N4BP2: variants seen among roughly 807,000 people sequenced by gnomAD.
N4BP2 encodes NEDD4-binding protein 2.
A neutral mutation model predicts 152.8 loss-of-function variants in N4BP2; 91 were observed. The ratio of observed to expected loss-of-function variants is 0.60; its 90% CI spans 0.50 to 0.71. The LOEUF (loss-of-function observed/expected upper bound fraction) is 0.71. N4BP2 is among the 30% of genes least tolerant of loss of function. The pLI is 0.00. For missense variants in N4BP2, 1,923 were observed against 2,059.1 expected, an observed-to-expected ratio of 0.93 and a Z score of 1.28; for synonymous variants, 646 against 705.3, an observed-to-expected ratio of 0.92 and a Z score of 1.33.
At chr4:40,170,081 CTT>C in the N4BP2 span, among the ~76,000 whole-genome samples, 1 of 151,618 alleles carries the variant, frequency 6.6e-6, no homozygotes, top group Admixed American at 6.6e-5. Flanking sequence ...AGAGAAACGT[CTT>C]ATGAATTTGA....
intron 2 of N4BP2, among the ~76,000 whole-genome samples, chr4:40,075,345 T>C (rs1466130150): frequency 6.6e-6 from 1 of 152,216 alleles, no homozygotes; most frequent in Non-Finnish European, 1.5e-5. Context: ...CAACTGGCTT[T>C]AACATTTAAC....
chr4:40,117,774 A>G (rs910586966), intron 7 of N4BP2, 95 bp from the exon 8 acceptor site: 26 of 1,022,370 alleles, frequency 2.5e-5, no homozygotes, highest in East Asian at 7.9e-5. Flanking sequence ...CGTATCTATT[A>G]GAAATATATT....
intron 1 of N4BP2, among the ~76,000 whole-genome samples, chr4:40,062,943 C>T (rs7674515): frequency 0.049 from 7,385 of 152,184 alleles, 261 homozygotes; most frequent in Non-Finnish European, 0.067. Flanking sequence ...TGTCATCTCA[C>T]CACATAGCGG....
chr4:40,154,502 G>A lies in N4BP2; in HGVS notation c.*265G>A. On this transcript the variant is annotated 3_prime_UTR_variant, in exon 18 of 18. Coordinates refer to ENST00000261435, the MANE Select transcript of N4BP2 (RefSeq NM_018177.6). ...GAAAATTATCAGCTACAGTTTTAAA[G>A]TTTAAAATGCTCTGATTGTTTCTCA... 2.9e-6 allele frequency: 1 copy of A among 344,494 alleles called. No individual in the cohort carries two copies. The highest frequency in any genetic ancestry group is 6.4e-5 in the East Asian group (1 of 15,702). 21.3% of individuals were successfully genotyped at this position (344,494 alleles called of 1,614,324 possible).
chr4:40,120,111 A>T lies in N4BP2; in HGVS notation c.2000A>T (p.Asp667Val), dbSNP rs1336569701. 1.9e-6 allele frequency: 3 copies of T among 1,611,786 alleles called. No homozygotes were observed. Among genetic ancestry groups the T allele is most frequent in the Admixed American group, 1.7e-5 (1 of 59,398 alleles). The change falls in exon 9 of 18, where the codon GAT (aspartate) becomes GTT (valine). Residue 667 changes from aspartate (D) to valine (V), a missense_variant. Physicochemically the swap from Asp to Val is radical, Grantham distance 152. Coordinates refer to ENST00000261435, the MANE Select transcript of N4BP2 (RefSeq NM_018177.6). ...DLNKRRKEIS[D>V]MNPSIQSALI... ...AACAAAAGAAGAAAAGAAATAAGTG[A>T]TATGAATCCTAGCATTCAAAGTGCT...
At chr4:40,066,172 A>G (rs533844435) in intron 1 of N4BP2, among the ~76,000 whole-genome samples, 95 of 151,924 alleles carry the variant, frequency 6.3e-4, no homozygotes, top group Non-Finnish European at 1.0e-3. Context: ...CTTGTGATCC[A>G]CCTGCCTCAG....
At chr4:40,119,297 C>G (rs1378441476) in intron 8 of N4BP2, among the ~76,000 whole-genome samples, 5 of 151,876 alleles carry the variant, frequency 3.3e-5, no homozygotes, top group African/African-American at 4.9e-5. Context: ...ACTTCGAGCA[C>G]TCCTGAAGTT....
intron 15 of N4BP2, 28 bp from the exon 16 acceptor site, chr4:40,144,602 CTG>C: frequency 6.4e-7 from 1 of 1,551,684 alleles, no homozygotes. Context: ...AACAGCAAAA[CTG>C]TCCCTTGGTG....
chr4:40,105,612 C>T (rs147089808), intron 4 of N4BP2, among the ~76,000 whole-genome samples: 257 of 151,194 alleles, frequency 1.7e-3, no homozygotes, highest in African/African-American at 5.8e-3. Context: ...TGCAGTGGCA[C>T]GTTCATAGCT....
intron 14 of N4BP2, among the ~76,000 whole-genome samples, chr4:40,141,390 G>A: frequency 6.6e-6 from 1 of 151,496 alleles, no homozygotes; most frequent in East Asian, 2.0e-4. Context: ...GGGCAGAGAC[G>A]CTCCTCACCT....
intron 14 of N4BP2, among the ~76,000 whole-genome samples, chr4:40,137,547 T>G (rs1719518225): frequency 6.6e-6 from 1 of 152,186 alleles, no homozygotes; most frequent in Non-Finnish European, 1.5e-5. Context: ...ATTATAACCA[T>G]TGTAGTGAGT....
In N4BP2 at chr4:40,102,915, C is replaced by T. The variant is rs201459157; in HGVS notation, c.1070C>T (p.Pro357Leu). 1.8e-5 allele frequency: 29 copies of T among 1,614,190 alleles called. No homozygotes were observed. In the East Asian group the frequency reaches 2.0e-4, roughly 11 times the overall value. ...LAPLPLLLPPPPPPPMWNPMI... is the reference protein window; with the variant it reads ...LAPLPLLLPPLPPPPMWNPMI... ...CCTCTCCCATTGCTGTTGCCTCCTC[C>T]GCCACCTCCACCGATGTGGAATCCA... Residue 357 changes from proline (P) to leucine (L), a missense_variant, in exon 4 of 18, where the codon CCG (proline) becomes CTG (leucine). Transcript: ENST00000261435.
chr4:40,150,180 G>A (rs77196368), intron 16 of N4BP2, among the ~76,000 whole-genome samples: 9 of 152,276 alleles, frequency 5.9e-5, no homozygotes, highest in Non-Finnish European at 1.0e-4. Context: ...TTTTAAAAAA[G>A]AGAGACATCT....
intron 6 of N4BP2, among the ~76,000 whole-genome samples, chr4:40,112,984 G>T (rs555658591): frequency 6.6e-6 from 1 of 152,164 alleles, no homozygotes; most frequent in Admixed American, 6.5e-5. Flanking sequence ...GATTACAGGC[G>T]TGAGCCACCA....
At chr4:40,122,819 T>G (rs1718058008) in intron 9 of N4BP2, among the ~76,000 whole-genome samples, 1 of 152,220 alleles carries the variant, frequency 6.6e-6, no homozygotes, top group African/African-American at 2.4e-5. Context: ...AAGATTAATT[T>G]TTTAGAACAT....
At chr4:40,057,808 T>C (rs764621895) in intron 1 of N4BP2, among the ~76,000 whole-genome samples, 1 of 152,026 alleles carries the variant, frequency 6.6e-6, no homozygotes, top group Non-Finnish European at 1.5e-5. Context: ...GCTAGAGTAA[T>C]AGAATGTAGA....
chr4:40,097,488 C>G lies in N4BP2; in HGVS notation c.148C>G (p.Leu50Val). The G allele has an allele frequency of 6.2e-7, 1 of 1,613,980 alleles. No individual in the cohort carries two copies. The highest frequency in any genetic ancestry group is 8.5e-7 in the Non-Finnish European group (1 of 1,179,890). ...TGAGACAAAAGTTGATCAGGAAGAA[C>G]TCTTCACCAGTATCTCAGAGATATT... ...MGETKVDQEE[L>V]FTSISEIFSD... is the part of the protein sequence containing the mutation. The change falls in exon 3 of 18, where the codon CTC becomes GTC. Residue 50 changes from leucine (L) to valine (V), a missense_variant. Leu to Val is a conservative substitution (Grantham distance 32, BLOSUM62 1). Transcript: ENST00000261435.
chr4:40,161,658 C>G (rs1190547824), downstream of N4BP2, among the ~76,000 whole-genome samples: 1 of 152,076 alleles, frequency 6.6e-6, no homozygotes, highest in African/African-American at 2.4e-5. Context: ...ACGATGTTAG[C>G]AATTCAAAAT....
At chr4:40,085,037 C>T (rs563591091) in intron 2 of N4BP2, among the ~76,000 whole-genome samples, 3 of 151,514 alleles carry the variant, frequency 2.0e-5, no homozygotes, top group East Asian at 1.9e-4. Context: ...CTCAGCCTCC[C>T]GAGTAGCTGG....
Sources: allele counts gnomAD v4.1 joint callset (sites outside exome capture counted in the v4.1 genomes callset), GRCh38; gene constraint gnomAD v4.1.1; transcripts MANE v1.5; gene names NCBI Gene and HGNC (gene_info 2026-07-23, HGNC 2026-07-21).